Variants in KATNB1 observed in about 807,000 individuals in gnomAD.
KATNB1 encodes katanin regulatory subunit B1, also known as katanin p80 WD40 repeat-containing subunit B1.
Under a neutral mutation model 82.3 loss-of-function variants are expected in KATNB1, and 38 were observed. The ratio of observed to expected loss-of-function variants is 0.46; its 90% CI spans 0.36 to 0.61. The LOEUF (loss-of-function observed/expected upper bound fraction) is 0.61, where lower values mean the gene tolerates loss of function less well. Ranked by LOEUF, KATNB1 falls within the 20% of genes least tolerant of loss-of-function variation. The pLI is 0.00. For synonymous variants in KATNB1, 361 were observed against 368.7 expected (o/e 0.98, Z 0.24); for missense variants, 749 against 915.7 (o/e 0.82, Z 2.35).
chr16:57,744,977 C>T (rs2049172888), intron 4 of KATNB1, among the ~76,000 whole-genome samples: 1 of 152,228 alleles, frequency 6.6e-6, no homozygotes, highest in Non-Finnish European at 1.5e-5. Flanking sequence ...ATGGCCAGAT[C>T]TGTTTCCTTG....
At chr16:57,745,923 G>T (rs959279094) in intron 4 of KATNB1, among the ~76,000 whole-genome samples, 2 of 151,972 alleles carry the variant, frequency 1.3e-5, no homozygotes, top group African/African-American at 4.8e-5. Flanking sequence ...TTTTCTCAGA[G>T]CCTCTCCTCT....
chr16:57,751,756 TG>T lies in KATNB1; in HGVS notation c.516+37del. 1.9e-6 allele frequency: 3 copies of T among 1,594,128 alleles called. No individual in the cohort carries two copies. On this transcript the variant is annotated intron_variant, in intron 7 of 19. Coordinates refer to ENST00000379661, the MANE Select transcript of KATNB1 (RefSeq NM_005886.3). This position sits in a 1 kb window ranked among gnomAD's most constrained non-coding sequence, Gnocchi z 6.3. Reference sequence around the variant, plus strand: ...CCCGGCCTGACCTGGGCCCAGGGGCTGGGGGCTGGGGTCTGCTGATCACAGC... The same window carrying T: ...CCCGGCCTGACCTGGGCCCAGGGGCTGGGGCTGGGGTCTGCTGATCACAGC...
intron 2 of KATNB1, among the ~76,000 whole-genome samples, chr16:57,738,698 C>G (rs1388435880): frequency 2.0e-5 from 3 of 152,184 alleles, no homozygotes; most frequent in Non-Finnish European, 4.4e-5. Context: ...TCTGGGAGAA[C>G]CCTGTTATGG....
chr16:57,753,646 G>A (rs782581494), intron 12 of KATNB1, 127 bp downstream of exon 12: 43 of 1,283,078 alleles, frequency 3.4e-5, no homozygotes, highest in Admixed American at 2.6e-4. Context: ...CCTGGGCTCC[G>A]TATCCTGTCC....
intron 3 of KATNB1, among the ~76,000 whole-genome samples, chr16:57,742,513 A>T (rs1265292584): frequency 6.6e-6 from 1 of 152,280 alleles, no homozygotes; most frequent in Non-Finnish European, 1.5e-5. Context: ...ACATGCATGT[A>T]CACATGTATA....
At chr16:57,749,277 A>G (rs1279239979) in intron 4 of KATNB1, among the ~76,000 whole-genome samples, 2 of 152,222 alleles carry the variant, frequency 1.3e-5, no homozygotes, top group Non-Finnish European at 2.9e-5. Context: ...TAAGCACTTT[A>G]TGTATGTTTA....
chr16:57,753,106 C>G lies in KATNB1; in HGVS notation c.885C>G (p.Val295=). Reference sequence around the variant, plus strand: ...GTGTGGCCTTCTCCCAGAGCAACGTCTCCTCCTACGTGGTGGATCTGACGC... The same window carrying G: ...GTGTGGCCTTCTCCCAGAGCAACGTGTCCTCCTACGTGGTGGATCTGACGC... The part of the protein sequence containing the change: ...LIGVAFSQSN[V]SSYVVDLTRV... The change falls in exon 11 of 20, where the codon GTC becomes GTG. Residue 295 remains valine (V), a synonymous_variant. Coordinates refer to ENST00000379661, the MANE Select transcript of KATNB1 (RefSeq NM_005886.3). The G allele has an allele frequency of 6.2e-7, 1 of 1,607,308 alleles. No individual in the cohort carries two copies. Among genetic ancestry groups the G allele is most frequent in the Non-Finnish European group, 8.5e-7 (1 of 1,176,732 alleles).
intron 4 of KATNB1, among the ~76,000 whole-genome samples, chr16:57,750,233 C>T (rs2049215266): frequency 6.6e-6 from 1 of 152,202 alleles, no homozygotes; most frequent in South Asian, 2.1e-4. Flanking sequence ...TGGTGGTTCC[C>T]TGGTTCTGCT....
rs1333881250 is a variant in KATNB1, at chr16:57,751,810, C to G, written c.516+86C>G. 2 of 1,433,346 alleles carry G rather than the reference C, an allele frequency of 1.4e-6. No homozygotes were observed. Among genetic ancestry groups the G allele is most frequent in the South Asian group, 1.1e-5 (1 of 87,124 alleles). The allele number at this position is 1,433,346 out of a possible 1,614,324, so 88.8% of individuals were successfully genotyped here. A position where few individuals can be genotyped will look rare whatever the true frequency, so the allele number is the denominator to read the frequency against. The stretch of plus-strand genomic sequence containing the variant: ...GCTGAGTCCTCACCTCCCTCCTGAT[C>G]GGGCTCACATGTCCCAAGCCTATCC... On this transcript the variant is annotated intron_variant, in intron 7 of 19. Transcript: ENST00000379661. The surrounding 1 kb of genome is among the most constrained non-coding windows in gnomAD (Gnocchi z 6.3).
chr16:57,741,700 GC>G lies in KATNB1; in HGVS notation c.55del (p.His19MetfsTer39). 6.2e-7 allele frequency: 1 copy of G among 1,613,750 alleles called. No homozygotes were observed. Among genetic ancestry groups the G allele is most frequent in the Non-Finnish European group, 8.5e-7 (1 of 1,179,898 alleles). On this transcript the variant is annotated frameshift_variant, in exon 3 of 20. Transcript: ENST00000379661. LOFTEE classifies it high-confidence loss of function. Reference protein sequence around the residue: ...TAWKLQEIVAHASNVSSLVLG... With the variant: ...TAWKLQEIVAXASNVSSLVLG... ...TTCCCTGTGTAGAAGAGATCGTCGC[GC>G]ATGCCAGCAACGTGTCCTCACTGGT... is the stretch of plus-strand genomic sequence containing the variant.
Position 57,754,137 on chromosome 16 carries a change from C to T in KATNB1, c.1228+142C>T. ...ACCCACACCCTCTCCCGCTGGGTCT[C>T]TGCCCTCTGCCTGTTATGTGCCAGG... On this transcript the variant is annotated intron_variant, in intron 13 of 19. Transcript: ENST00000379661. 5.7e-6 allele frequency: 4 copies of T among 701,690 alleles called. No homozygotes were observed. The South Asian group carries it at 7.0e-5, about 12-fold the overall frequency. The allele number at this position is 701,690 out of a possible 1,614,324, so 43.5% of individuals were successfully genotyped here.
Position 57,753,455 on chromosome 16 carries a change from G to A in KATNB1, c.1113G>A (p.Glu371=). The A allele has an allele frequency of 6.3e-7, 1 of 1,596,306 alleles. No individual in the cohort carries two copies. The highest frequency in any genetic ancestry group is 8.5e-7 in the Non-Finnish European group (1 of 1,170,294). ...PSSEDDRDER[E]SRAEIQNAED... ...GCGAGGATGACCGGGACGAGCGCGA[G>A]TCCCGCGCGGAGATCCAGAACGCCG... The change falls in exon 12 of 20, where the codon GAG becomes GAA. Residue 371 remains glutamate (E), a synonymous_variant. Transcript: ENST00000379661.
chr16:57,742,831 G>T (rs1285595229), intron 3 of KATNB1, among the ~76,000 whole-genome samples: 1 of 152,164 alleles, frequency 6.6e-6, no homozygotes, highest in Non-Finnish European at 1.5e-5. Flanking sequence ...TTCAATCCAA[G>T]GGTGTGTGCT....
At chr16:57,752,501 T>G (rs782393672) in intron 8 of KATNB1, 29 bp from the exon 9 acceptor site, 3 of 1,551,202 alleles carry the variant, frequency 1.9e-6, no homozygotes, top group Non-Finnish European at 2.6e-6. Context: ...AGGGATAGGC[T>G]TCGCAGCACA....
In KATNB1 at chr16:57,752,599, C is replaced by T; in HGVS notation, c.702C>T (p.Val234=). Residue 234 remains valine, a splice_region_variant and synonymous_variant, in exon 9 of 20, where the codon GTC becomes GTT. Coordinates refer to ENST00000379661, the MANE Select transcript of KATNB1 (RefSeq NM_005886.3). ...VSCIEGEPGP[V]RSVLFNPDGC... is the part of the protein sequence containing the mutation. ...GCATCGAAGGGGAGCCTGGGCCCGT[C>T]AGGTACGCAGGCTGTGGGGTGGGCG... 3.2e-6 allele frequency: 5 copies of T among 1,564,712 alleles called. No homozygotes were observed. The highest frequency in any genetic ancestry group is 4.3e-6 in the Non-Finnish European group (5 of 1,154,558).
At chr16:57,743,471 T>C (rs1260351038) in intron 3 of KATNB1, among the ~76,000 whole-genome samples, 1 of 152,250 alleles carries the variant, frequency 6.6e-6, no homozygotes, top group Non-Finnish European at 1.5e-5. Flanking sequence ...AGGATTCAAA[T>C]GTGTTTTCTA....
intron 3 of KATNB1, among the ~76,000 whole-genome samples, chr16:57,743,823 A>G (rs1555580459): frequency 6.6e-6 from 1 of 152,242 alleles, no homozygotes; most frequent in Non-Finnish European, 1.5e-5. Context: ...ATTCTGTTCA[A>G]CATCCAAAAG....
In KATNB1 at chr16:57,737,265, A is replaced by C; in HGVS notation, c.22A>C (p.Lys8Gln). ...AAGGATGGCCACCCCTGTGGTCACC[A>C]AGACAGCCTGGAAGTTGCGTGAGTG... MATPVVT[K>Q]TAWKLQEIVA... Residue 8 changes from lysine to glutamine, a missense_variant, in exon 2 of 20, where the codon AAG (lysine) becomes CAG (glutamine). Lys to Gln is a moderately conservative substitution (Grantham distance 53). Transcript: ENST00000379661. The C allele has an allele frequency of 1.2e-6, 2 of 1,614,240 alleles. No homozygotes were observed. Among genetic ancestry groups the C allele is most frequent in the Non-Finnish European group, 1.7e-6 (2 of 1,180,034 alleles).
chr16:57,748,075 T>C (rs1241340351), intron 4 of KATNB1, among the ~76,000 whole-genome samples: 2 of 152,116 alleles, frequency 1.3e-5, no homozygotes, highest in Admixed American at 6.5e-5. Context: ...GGTTGACAGA[T>C]GGGCAAACAG....
Sources: gnomAD v4.1 joint callset for allele counts (sites outside exome capture counted in the v4.1 genomes callset) on GRCh38, gnomAD v4.1.1 for gene constraint, Gnocchi (gnomAD v3.1) non-coding constraint, MANE v1.5 for transcripts, NCBI Gene and HGNC (gene_info 2026-07-23, HGNC 2026-07-21) for gene names.